The following RABGAP1 variants were observed in gnomAD, a reference collection of about 807,000 sequenced individuals.
RABGAP1 encodes the protein rab GTPase-activating protein 1.
In RABGAP1, 23 loss-of-function variants were observed where a neutral mutation model predicts 137.6. The observed-to-expected ratio is 0.17, with a 90% CI of 0.12 to 0.24. The LOEUF (loss-of-function observed/expected upper bound fraction) is 0.24, where lower values mean the gene tolerates loss of function less well. Among genes scored for constraint, RABGAP1 ranks in the 10% least tolerant of loss-of-function variants. RABGAP1 has a pLI of 1.00. For synonymous variants in RABGAP1, 451 were observed against 450.7 expected (o/e 1.00, Z -0.01); for missense variants, 906 against 1,275.8 (o/e 0.71, Z 4.42).
At chr9:123,057,378 TTG>T in intron 13 of RABGAP1, among the ~76,000 whole-genome samples, 1 of 140,814 alleles carries the variant, frequency 7.1e-6, no homozygotes, top group Non-Finnish European at 1.5e-5. Flanking sequence ...CCAGACGGGG[TTG>T]CGGCCGGGCA....
chr9:123,052,006 C>T (rs1183009827), intron 13 of RABGAP1, among the ~76,000 whole-genome samples: 3 of 149,968 alleles, frequency 2.0e-5, no homozygotes, highest in Non-Finnish European at 4.4e-5. Context: ...GGAGTTTCAC[C>T]GTATTAGCCA....
At position 123,025,471 on chromosome 9, in the gene RABGAP1, A is replaced by G. The variant is rs78808109; in HGVS notation, c.1794+5012A>G. Among the ~76,000 whole-genome samples, 1,347 of 150,254 alleles carry G rather than the reference A, an allele frequency of 9.0e-3. 15 individuals carry two copies. Among genetic ancestry groups the G allele is most frequent in the African/African-American group, 0.031 (1,273 of 41,170 alleles). ...GTTATTTGAATTGCATTTAATTTAC[A>G]TACCAGTTGAAGGTATAAGTTTAAC... On this transcript the variant is annotated intron_variant, in intron 13 of 25. Transcript: ENST00000373647.
At chr9:123,013,172 C>A (rs1453597020) in intron 11 of RABGAP1, among the ~76,000 whole-genome samples, 2 of 152,116 alleles carry the variant, frequency 1.3e-5, no homozygotes, top group Non-Finnish European at 2.9e-5. Context: ...AAATTACCAT[C>A]CCTTCTAAAT....
chr9:123,004,115 G>C (rs2029978522), intron 10 of RABGAP1, among the ~76,000 whole-genome samples: 1 of 152,212 alleles, frequency 6.6e-6, no homozygotes, highest in African/African-American at 2.4e-5. Flanking sequence ...TTCCACTGCT[G>C]AATTGAGAGG....
intron 1 of RABGAP1, among the ~76,000 whole-genome samples, chr9:122,946,753 A>G (rs925383006): frequency 2.6e-5 from 4 of 152,214 alleles, no homozygotes; most frequent in Non-Finnish European, 5.9e-5. Flanking sequence ...GTTTCCTGAA[A>G]TATCCATGGG....
At chr9:122,966,274 C>T (rs1391007781) in intron 2 of RABGAP1, among the ~76,000 whole-genome samples, 1 of 152,096 alleles carries the variant, frequency 6.6e-6, no homozygotes, top group Non-Finnish European at 1.5e-5. Flanking sequence ...CCTGTAATCC[C>T]AGCACTATGG....
intron 4 of RABGAP1, 107 bp from the exon 5 acceptor site, chr9:122,989,190 A>G (rs1291681248): frequency 9.6e-7 from 1 of 1,041,428 alleles, no homozygotes; most frequent in East Asian, 2.4e-5. Context: ...CAGCATACCA[A>G]ATATATGATC....
chr9:123,064,054 TCGCTCA>T (rs2034082572), intron 13 of RABGAP1, among the ~76,000 whole-genome samples: 1 of 152,164 alleles, frequency 6.6e-6, no homozygotes, highest in Admixed American at 6.5e-5. Context: ...ACTCTCACTC[TCGCTCA>T]CTTCGCTCGC....
intron 13 of RABGAP1, among the ~76,000 whole-genome samples, chr9:123,043,489 A>G (rs187173755): frequency 2.4e-4 from 36 of 152,326 alleles, no homozygotes; most frequent in Non-Finnish European, 4.6e-4. Context: ...GGCAATTAAT[A>G]ACTTCAGAAA....
chr9:123,094,777 G>A (rs1054770246), intron 21 of RABGAP1, among the ~76,000 whole-genome samples: 2 of 152,086 alleles, frequency 1.3e-5, no homozygotes, highest in African/African-American at 4.8e-5. Flanking sequence ...TTCTTTGCAG[G>A]AAATTAATTG....
chr9:123,073,820 T>C, intron 16 of RABGAP1, 143 bp downstream of exon 16: 3 of 1,123,638 alleles, frequency 2.7e-6, no homozygotes, highest in East Asian at 2.5e-5. Flanking sequence ...CCTTTATCAC[T>C]ATGTGATTAT....
At chr9:123,053,549 C>A (rs2033575088) in intron 13 of RABGAP1, among the ~76,000 whole-genome samples, 1 of 152,042 alleles carries the variant, frequency 6.6e-6, no homozygotes, top group Non-Finnish European at 1.5e-5. Flanking sequence ...CAGTAGCTGA[C>A]TTTTTTAAAA....
At chr9:122,973,819 G>T (rs924185970) in intron 2 of RABGAP1, among the ~76,000 whole-genome samples, 2 of 151,758 alleles carry the variant, frequency 1.3e-5, no homozygotes, top group Non-Finnish European at 2.9e-5. Context: ...AGACAAGCCC[G>T]GCCAACATGG....
At chr9:123,091,405 C>T (rs2035028752) in intron 21 of RABGAP1, among the ~76,000 whole-genome samples, 1 of 152,122 alleles carries the variant, frequency 6.6e-6, no homozygotes. Context: ...TTTAGTTCTC[C>T]TAGGTAGAAA....
chr9:122,936,672 T>TGCAGAG (rs1377836018), upstream of RABGAP1, among the ~76,000 whole-genome samples: 1 of 152,232 alleles, frequency 6.6e-6, no homozygotes, highest in African/African-American at 2.4e-5. Flanking sequence ...GAAGTGCAGG[T>TGCAGAG]GCAGAGGCAG....
intron 2 of RABGAP1, among the ~76,000 whole-genome samples, chr9:122,960,839 AAAG>A (rs1270251137): frequency 2.6e-5 from 4 of 152,372 alleles, no homozygotes; most frequent in Non-Finnish European, 5.9e-5. Context: ...ATCATTTTAA[AAAG>A]AAGCAAATGG....
upstream of RABGAP1, among the ~76,000 whole-genome samples, chr9:122,940,565 T>A (rs1833488528): frequency 6.6e-6 from 1 of 152,232 alleles, no homozygotes; most frequent in Non-Finnish European, 1.5e-5. Context: ...TGACACACCG[T>A]GCGCCCTCAG....
At chr9:123,050,430 G>A (rs1441069224) in intron 13 of RABGAP1, among the ~76,000 whole-genome samples, 1 of 152,180 alleles carries the variant, frequency 6.6e-6, no homozygotes, top group Non-Finnish European at 1.5e-5. Flanking sequence ...TAAAATCCCT[G>A]CTGTTGCACT....
intron 13 of RABGAP1, among the ~76,000 whole-genome samples, chr9:123,043,985 C>T (rs889572149): frequency 3.3e-5 from 5 of 150,662 alleles, no homozygotes; most frequent in Non-Finnish European, 7.4e-5. Context: ...ACTGCAAGCT[C>T]CGCCTCCCGG....
Sources: allele counts gnomAD v4.1 joint callset (sites outside exome capture counted in the v4.1 genomes callset), GRCh38; gene constraint gnomAD v4.1.1; transcripts MANE v1.5; gene names NCBI Gene and HGNC (gene_info 2026-07-23, HGNC 2026-07-21).